Variants in PLCE1 observed in about 807,000 individuals in gnomAD.
The protein encoded by PLCE1 is 1-phosphatidylinositol 4,5-bisphosphate phosphodiesterase epsilon-1.
Under a neutral mutation model 242.8 loss-of-function variants are expected in PLCE1, and 119 were observed. The observed-to-expected ratio is 0.49, with a 90% CI of 0.42 to 0.57. The LOEUF is 0.57. PLCE1 is among the 20% of genes least tolerant of loss of function. The pLI is 0.00. For missense variants in PLCE1, 2,441 were observed against 2,788.8 expected, an observed-to-expected ratio of 0.88 and a Z score of 2.81; for synonymous variants, 945 against 1,017.4, an observed-to-expected ratio of 0.93 and a Z score of 1.35.
chr10:94,309,034 A>G (rs1306850724), intron 27 of PLCE1, among the ~76,000 whole-genome samples: 1 of 152,244 alleles, frequency 6.6e-6, no homozygotes, highest in East Asian at 1.9e-4. Context: ...TACAGTGTCT[A>G]TCAGGGAAGT....
intron 10 of PLCE1, among the ~76,000 whole-genome samples, 162 bp from the exon 11 acceptor site, chr10:94,254,731 C>T (rs2051003331): frequency 6.6e-6 from 1 of 152,154 alleles, no homozygotes; most frequent in Non-Finnish European, 1.5e-5. Context: ...TGAGACCCCA[C>T]CAGATTAGCC....
rs183550052 is a variant in PLCE1 at position 94,271,207 on chromosome 10, C to T, written c.4506+605C>T. Among the ~76,000 whole-genome samples the T allele has an allele frequency of 2.4e-3, 361 of 151,806 alleles. 3 individuals are homozygous for T. Among genetic ancestry groups the T allele is most frequent in the African/African-American group, 8.4e-3 (347 of 41,374 alleles). ...GACCAACTCTCCAACACTTCTGGTA[C>T]CACAAGTCAGGGATGCCAGGATGTC... On this transcript the variant is annotated intron_variant, in intron 18 of 32. Coordinates refer to ENST00000371380, the MANE Select transcript of PLCE1 (RefSeq NM_016341.4).
At chr10:94,253,085 A>G (rs970699783) in intron 9 of PLCE1, among the ~76,000 whole-genome samples, 4 of 152,202 alleles carry the variant, frequency 2.6e-5, no homozygotes, top group African/African-American at 4.8e-5. Context: ...TAAACTATAT[A>G]ATATGAAATA....
In PLCE1 at chr10:94,252,510, T is replaced by C. The variant is rs139184808; in HGVS notation, c.3279+12T>C. On this transcript the variant is annotated intron_variant, in intron 9 of 32. Transcript: ENST00000371380. ...AAATCCTCATGAGGGTAGAGTGTTATTTGTTTATTAAGCATTAAACCCATC... is the reference window on the plus strand; with the variant it reads ...AAATCCTCATGAGGGTAGAGTGTTACTTGTTTATTAAGCATTAAACCCATC... 5,759 of 1,606,738 alleles carry C rather than the reference T, an allele frequency of 3.6e-3. 17 individuals are homozygous for C. Among genetic ancestry groups the C allele is most frequent in the Admixed American group, 7.2e-3 (432 of 59,594 alleles).
Position 94,234,150 on chromosome 10 carries a change from T to C in PLCE1, c.2052T>C (p.Ser684=), listed in dbSNP as rs762236445. The C allele has an allele frequency of 1.2e-6, 2 of 1,614,160 alleles. No homozygotes were observed. The highest frequency in any genetic ancestry group is 2.2e-5 in the East Asian group (1 of 44,874). ...ATGCTATGGCCCAGCATGAGTCCTC[T>C]TGTGAGTACAGAAAGGTGGTGACAC... ...LKDAMAQHES[S]CEYRKVVTRA... Residue 684 remains serine (S), a synonymous_variant, in exon 6 of 33, where the codon TCT becomes TCC. Transcript: ENST00000371380.
intron 19 of PLCE1, 39 bp from the exon 20 acceptor site, chr10:94,279,743 A>G (rs2052124923): frequency 6.2e-7 from 1 of 1,608,624 alleles, no homozygotes; most frequent in African/African-American, 1.3e-5. Context: ...GAATTCATTA[A>G]CTTGGCATCT....
At chr10:94,219,397 G>T (rs1398540191) in intron 4 of PLCE1, among the ~76,000 whole-genome samples, 1 of 152,130 alleles carries the variant, frequency 6.6e-6, no homozygotes, top group Non-Finnish European at 1.5e-5. Context: ...TCTTTTCTTG[G>T]TGTTGGCTTC....
chr10:94,124,554 G>C (rs79340260), intron 2 of PLCE1, among the ~76,000 whole-genome samples: 2,871 of 152,232 alleles, frequency 0.019, 101 homozygotes, highest in African/African-American at 0.064. Context: ...TCAGTTATTT[G>C]CCCAGTATCA....
intron 3 of PLCE1, among the ~76,000 whole-genome samples, chr10:94,165,910 T>C (rs1164764512): frequency 6.6e-6 from 1 of 152,112 alleles, no homozygotes; most frequent in Non-Finnish European, 1.5e-5. Flanking sequence ...TTTCACCACG[T>C]TGGCAAGGCT....
chr10:94,071,126 G>A (rs202076960), intron 2 of PLCE1, among the ~76,000 whole-genome samples: 3 of 152,102 alleles, frequency 2.0e-5, no homozygotes, highest in African/African-American at 7.2e-5. Context: ...CCCTGATCCT[G>A]GAGTTACTGT....
chr10:94,037,787 G>A (rs566888992), intron 2 of PLCE1, among the ~76,000 whole-genome samples: 2 of 152,290 alleles, frequency 1.3e-5, no homozygotes, highest in Admixed American at 1.3e-4. Context: ...CCGCATCTCT[G>A]TAGTTATACC....
At chr10:94,255,159 T>G in intron 11 of PLCE1, 110 bp downstream of exon 11, 1 of 1,367,668 alleles carries the variant, frequency 7.3e-7, no homozygotes, top group Admixed American at 1.9e-5. Context: ...TTTTGATGTA[T>G]AGTTGAACTG....
intron 2 of PLCE1, chr10:94,107,230 A>T (rs924289271): frequency 6.6e-6 from 1 of 152,212 alleles, no homozygotes; most frequent in Non-Finnish European, 1.5e-5. Flanking sequence ...AGAAAGGAAC[A>T]AAGAGTTACA....
intron 2 of PLCE1, chr10:94,099,669 A>G (rs529194898): frequency 1.3e-5 from 2 of 152,374 alleles, no homozygotes; most frequent in African/African-American, 4.8e-5. Flanking sequence ...GGTTGTTATT[A>G]TATCAATGGT....
chr10:94,141,563 GGAAGGCT>G (rs1385792659), intron 3 of PLCE1, among the ~76,000 whole-genome samples: 13 of 138,222 alleles, frequency 9.4e-5, no homozygotes, highest in Non-Finnish European at 1.8e-4. Context: ...GAAGGTGAAG[GGAAGGCT>G]AAGGGAAGGT....
intron 4 of PLCE1, among the ~76,000 whole-genome samples, chr10:94,179,936 CA>C (rs5787102): frequency 0.13 from 14,319 of 113,470 alleles, 1,192 homozygotes; most frequent in African/African-American, 0.28. Flanking sequence ...TGTTAGTTCC[CA>C]AAAAAAAAAA....
chr10:94,317,145 T>C (rs961680472), intron 29 of PLCE1, among the ~76,000 whole-genome samples: 1 of 151,836 alleles, frequency 6.6e-6, no homozygotes, highest in Non-Finnish European at 1.5e-5. Flanking sequence ...CAGCTACTCA[T>C]GAGGGAGGCT....
chr10:94,180,414 T>G (rs1272703107), intron 4 of PLCE1, among the ~76,000 whole-genome samples: 1 of 152,128 alleles, frequency 6.6e-6, no homozygotes, highest in African/African-American at 2.4e-5. Context: ...GGGGATAATT[T>G]ATCATTTCCA....
rs191692097 is a variant in PLCE1, at chr10:94,216,506, G to A, written c.1810-10800G>A. Reference sequence around the variant, plus strand: ...CTGACTTAGCTGGAGTGAAGGGGCTGCAGGGAGCAGGCAGTCCAGAGGTGG... The same window carrying A: ...CTGACTTAGCTGGAGTGAAGGGGCTACAGGGAGCAGGCAGTCCAGAGGTGG... On this transcript the variant is annotated intron_variant, in intron 4 of 32. Transcript: ENST00000371380. Among the ~76,000 whole-genome samples, 4 of 152,282 alleles carry A rather than the reference G, an allele frequency of 2.6e-5. No homozygotes were observed. In the East Asian group the frequency reaches 7.7e-4, roughly 29 times the overall value.
Sources: gnomAD v4.1 joint callset for allele counts (sites outside exome capture counted in the v4.1 genomes callset) on GRCh38, gnomAD v4.1.1 for gene constraint, MANE v1.5 for transcripts, NCBI Gene and HGNC (gene_info 2026-07-23, HGNC 2026-07-21) for gene names.